ATP6V0D2: variants seen among roughly 807,000 people sequenced by gnomAD.
ATP6V0D2 encodes ATPase H+ transporting V0 subunit d2, also known as V-type proton ATPase subunit d 2.
ATP6V0D2 carries 40 observed loss-of-function variants against 40.0 expected under a neutral mutation model. That is an observed-to-expected ratio of 1.00 (90% CI 0.78 to 1.30). ATP6V0D2 has a LOEUF of 1.30. Among genes scored for constraint, ATP6V0D2 ranks in the 50% most tolerant of loss-of-function variants. ATP6V0D2 has a pLI of 0.00. For synonymous variants in ATP6V0D2, 179 were observed against 156.3 expected, an observed-to-expected ratio of 1.15 and a Z score of -1.08; for missense variants, 470 against 423.1, an observed-to-expected ratio of 1.11 and a Z score of -0.97.
At position 86,154,214 on chromosome 8, in the gene ATP6V0D2, G is replaced by A. The variant is rs1442933321; in HGVS notation, c.*1237G>A. ...TTTTCACACCTTTCTTTAAATAAAAGGTATATCTCTCTTTCTTGTGGTTTC... is the reference window on the plus strand; with the variant it reads ...TTTTCACACCTTTCTTTAAATAAAAAGTATATCTCTCTTTCTTGTGGTTTC... On this transcript the variant is annotated 3_prime_UTR_variant, in exon 8 of 8. Coordinates refer to ENST00000285393, the MANE Select transcript of ATP6V0D2 (RefSeq NM_152565.1). The A allele has an allele frequency of 1.3e-5, 2 of 152,080 alleles. No homozygotes were observed. Among genetic ancestry groups the A allele is most frequent in the Non-Finnish European group, 2.9e-5 (2 of 68,014 alleles). The allele number at this position is 152,080 out of a possible 1,614,324, so 9.4% of individuals were successfully genotyped here.
intron 2 of ATP6V0D2, among the ~76,000 whole-genome samples, chr8:86,135,031 G>T (rs1818879489): frequency 6.6e-6 from 1 of 151,944 alleles, no homozygotes; most frequent in Non-Finnish European, 1.5e-5. Flanking sequence ...ACTGGGGGTG[G>T]TGGGTGGGAA....
chr8:86,123,338 C>A (rs894982676), intron 2 of ATP6V0D2, among the ~76,000 whole-genome samples: 2 of 152,158 alleles, frequency 1.3e-5, no homozygotes, highest in African/African-American at 4.8e-5. Context: ...AAATAGCATT[C>A]CAAAAGTGAT....
chr8:86,137,994 A>G (rs568425598), intron 2 of ATP6V0D2, among the ~76,000 whole-genome samples: 5 of 152,304 alleles, frequency 3.3e-5, no homozygotes, highest in African/African-American at 7.2e-5. Context: ...TAACATTTAC[A>G]TAGGTCATAA....
chr8:86,145,207 G>A (rs1586103457), intron 5 of ATP6V0D2, among the ~76,000 whole-genome samples: 1 of 18,094 alleles, frequency 5.5e-5, no homozygotes, highest in African/African-American at 3.3e-4. Context: ...AAGAAAGAAA[G>A]AAAGAAAGAA....
intron 1 of ATP6V0D2, among the ~76,000 whole-genome samples, chr8:86,103,192 A>G (rs1379359262): frequency 6.6e-6 from 1 of 151,406 alleles, no homozygotes; most frequent in East Asian, 1.9e-4. Flanking sequence ...ATCTTGGCTC[A>G]CTGCAACCTC....
At chr8:86,105,621 C>CTT (rs757847208) in intron 1 of ATP6V0D2, among the ~76,000 whole-genome samples, 16 of 133,292 alleles carry the variant, frequency 1.2e-4, no homozygotes, top group South Asian at 2.4e-4. Flanking sequence ...TTTTTCTTTT[C>CTT]TTTTTTTTTT....
rs573898633 is a variant in ATP6V0D2 at position 86,151,545 on chromosome 8, G to C, written c.891+5G>C. The C allele has an allele frequency of 1.8e-5, 29 of 1,593,088 alleles. No individual in the cohort carries two copies. In the South Asian group the frequency reaches 3.1e-4, roughly 17 times the overall value. ...GACGTGTTTTACGAGCGTGAGGTAT[G>C]ATATAAGTGGAAATACTATTAGCTT... On this transcript the variant is annotated splice_donor_5th_base_variant and intron_variant, in intron 7 of 7. Coordinates refer to ENST00000285393, the MANE Select transcript of ATP6V0D2 (RefSeq NM_152565.1).
chr8:86,152,612 G>A (rs928698908), intron 7 of ATP6V0D2, among the ~76,000 whole-genome samples: 7 of 152,092 alleles, frequency 4.6e-5, no homozygotes, highest in South Asian at 4.1e-4. Context: ...AATAACTTCC[G>A]TTGTCTACAT....
intron 2 of ATP6V0D2, among the ~76,000 whole-genome samples, chr8:86,118,249 T>C (rs923228274): frequency 6.6e-6 from 1 of 150,916 alleles, no homozygotes; most frequent in Non-Finnish European, 1.5e-5. Context: ...TTTTTTATTT[T>C]TTTTAGTAGA....
At chr8:86,116,001 G>A (rs552232552) in intron 2 of ATP6V0D2, among the ~76,000 whole-genome samples, 1 of 152,238 alleles carries the variant, frequency 6.6e-6, no homozygotes, top group East Asian at 1.9e-4. Context: ...AGTAAAGGAA[G>A]GCTCTTCTGT....
intron 1 of ATP6V0D2, among the ~76,000 whole-genome samples, chr8:86,104,658 TAGGGACCTGTC>T (rs1247129518): frequency 2.6e-5 from 4 of 152,110 alleles, no homozygotes; most frequent in Admixed American, 1.3e-4. Flanking sequence ...GTGACAAGCA[TAGGGACCTGTC>T]ACTGTTTACC....
In ATP6V0D2 at chr8:86,153,151, C is replaced by A; in HGVS notation, c.*174C>A. ...AACCAGCCCTGAAACAAAGCATTTCCTTGTTTTCAGTGGTATTAGATCTTG... is the reference window on the plus strand; with the variant it reads ...AACCAGCCCTGAAACAAAGCATTTCATTGTTTTCAGTGGTATTAGATCTTG... On this transcript the variant is annotated 3_prime_UTR_variant, in exon 8 of 8. Coordinates refer to ENST00000285393, the MANE Select transcript of ATP6V0D2 (RefSeq NM_152565.1). The A allele has an allele frequency of 2.1e-6, 1 of 479,406 alleles. No homozygotes were observed. The highest frequency in any genetic ancestry group is 3.5e-6 in the Non-Finnish European group (1 of 286,976). 29.7% of individuals were successfully genotyped at this position (479,406 alleles called of 1,614,324 possible).
intron 1 of ATP6V0D2, among the ~76,000 whole-genome samples, chr8:86,100,227 A>G (rs1233714632): frequency 6.6e-6 from 1 of 151,468 alleles, no homozygotes; most frequent in Non-Finnish European, 1.5e-5. Context: ...TTTTTTTTTC[A>G]AAACCTTACC....
intron 5 of ATP6V0D2, among the ~76,000 whole-genome samples, chr8:86,145,186 GAA>G (rs1187452683): frequency 3.7e-4 from 5 of 13,360 alleles, no homozygotes; most frequent in Non-Finnish European, 7.8e-4. Context: ...AAGAGAGAAA[GAA>G]AGAAAGAAAA....
chr8:86,108,292 C>T (rs1818493156), intron 1 of ATP6V0D2, among the ~76,000 whole-genome samples: 1 of 152,164 alleles, frequency 6.6e-6, no homozygotes, highest in Non-Finnish European at 1.5e-5. Flanking sequence ...AGGCATGTGC[C>T]ACCACACCCA....
At chr8:86,143,348 G>A (rs145474498) in intron 5 of ATP6V0D2, among the ~76,000 whole-genome samples, 3 of 152,228 alleles carry the variant, frequency 2.0e-5, no homozygotes, top group African/African-American at 7.2e-5. Flanking sequence ...AAAGAATTTG[G>A]GTCCATAGAG....
At chr8:86,134,006 C>CT (rs1818863750) in intron 2 of ATP6V0D2, among the ~76,000 whole-genome samples, 1 of 152,012 alleles carries the variant, frequency 6.6e-6, no homozygotes, top group Non-Finnish European at 1.5e-5. Flanking sequence ...CAATGAAATC[C>CT]AGGCCAAGAC....
intron 1 of ATP6V0D2, among the ~76,000 whole-genome samples, chr8:86,103,133 T>G (rs1818424873): frequency 6.6e-6 from 1 of 152,020 alleles, no homozygotes; most frequent in Non-Finnish European, 1.5e-5. Flanking sequence ...TTTTTTCTTT[T>G]TGAGACGGAG....
At chr8:86,123,989 T>C (rs1266851822) in intron 2 of ATP6V0D2, among the ~76,000 whole-genome samples, 1 of 152,204 alleles carries the variant, frequency 6.6e-6, no homozygotes, top group Non-Finnish European at 1.5e-5. Context: ...AAACTTTGCA[T>C]AATATTTAAT....
Sources: gnomAD v4.1 joint callset for allele counts (sites outside exome capture counted in the v4.1 genomes callset) on GRCh38, gnomAD v4.1.1 for gene constraint, MANE v1.5 for transcripts, NCBI Gene and HGNC (gene_info 2026-07-23, HGNC 2026-07-21) for gene names.